The following SUPT3H variants were observed in gnomAD, a reference collection of about 807,000 sequenced individuals.
SUPT3H encodes the protein SPT3 homolog, SAGA and STAGA complex component.
A neutral mutation model predicts 44.3 loss-of-function variants in SUPT3H; 44 were observed. The observed-to-expected ratio is 0.99, with a 90% confidence interval of 0.78 to 1.28. The LOEUF (loss-of-function observed/expected upper bound fraction) is 1.28, where lower values mean the gene tolerates loss of function less well. Ranked by LOEUF, SUPT3H falls within the 50% of genes most tolerant of loss-of-function variation. The pLI is 0.00. For missense variants in SUPT3H, 380 were observed against 387.1 expected (o/e 0.98, Z 0.15); for synonymous variants, 124 against 125.6 (o/e 0.99, Z 0.09).
chr6:45,216,174 G>A (rs561815909), intron 2 of SUPT3H, among the ~76,000 whole-genome samples: 1 of 151,700 alleles, frequency 6.6e-6, no homozygotes, highest in Non-Finnish European at 1.5e-5. Context: ...TACAAGAAAT[G>A]CTTAAGGAAG....
At chr6:45,006,350 C>T (rs1391157528) in intron 5 of SUPT3H, among the ~76,000 whole-genome samples, 1 of 151,740 alleles carries the variant, frequency 6.6e-6, no homozygotes, top group Non-Finnish European at 1.5e-5. Context: ...GTATTTATTT[C>T]ATATTCTTGT....
chr6:45,341,609 TAA>T (rs1789793774), intron 2 of SUPT3H, among the ~76,000 whole-genome samples: 1 of 152,086 alleles, frequency 6.6e-6, no homozygotes, highest in South Asian at 2.1e-4. Flanking sequence ...CGCAACTTCA[TAA>T]AGAGTACAAT....
intron 10 of SUPT3H, among the ~76,000 whole-genome samples, chr6:44,877,660 C>A (rs1404201674): frequency 6.6e-6 from 1 of 152,156 alleles, no homozygotes; most frequent in Non-Finnish European, 1.5e-5. Context: ...GTGTGTGTAT[C>A]TATATATCTA....
At chr6:45,197,655 AT>A in intron 2 of SUPT3H, 2 of 348,970 alleles carry the variant, frequency 5.7e-6, no homozygotes, top group South Asian at 2.3e-5. Flanking sequence ...TGACAATACT[AT>A]TTTTTCATTT....
intron 2 of SUPT3H, among the ~76,000 whole-genome samples, chr6:45,146,043 A>G (rs1806009604): frequency 6.6e-6 from 1 of 152,156 alleles, no homozygotes; most frequent in African/African-American, 2.4e-5. Context: ...ATGTGGTATA[A>G]AGGGAACACT....
At chr6:44,902,267 T>C (rs1352375072) in intron 10 of SUPT3H, among the ~76,000 whole-genome samples, 1 of 152,120 alleles carries the variant, frequency 6.6e-6, no homozygotes, top group Admixed American at 6.5e-5. Flanking sequence ...GTGTGCTGTA[T>C]TTAGGAAACC....
chr6:44,865,938 G>A (rs1039026880), intron 10 of SUPT3H, among the ~76,000 whole-genome samples: 5 of 152,182 alleles, frequency 3.3e-5, no homozygotes, highest in African/African-American at 1.2e-4. Flanking sequence ...CAGACAGGAA[G>A]CAGAAAGCCA....
intron 2 of SUPT3H, among the ~76,000 whole-genome samples, chr6:45,340,587 G>C (rs1447403077): frequency 4.6e-5 from 7 of 152,044 alleles, no homozygotes; most frequent in Non-Finnish European, 1.0e-4. Context: ...GTCTCCCAAA[G>C]TGCTGAGATT....
chr6:45,375,319 C>T (rs1223998329), intron 1 of SUPT3H, among the ~76,000 whole-genome samples: 4 of 152,118 alleles, frequency 2.6e-5, no homozygotes, highest in Non-Finnish European at 4.4e-5. Context: ...GGTCCCAATT[C>T]GAACATTTTG....
intron 2 of SUPT3H, among the ~76,000 whole-genome samples, chr6:45,265,406 C>T (rs950865918): frequency 6.6e-6 from 1 of 152,094 alleles, no homozygotes; most frequent in Non-Finnish European, 1.5e-5. Context: ...ACAGAATCAA[C>T]TACTAATTGT....
chr6:44,859,423 T>A (rs1040149698), intron 10 of SUPT3H, among the ~76,000 whole-genome samples: 1 of 152,180 alleles, frequency 6.6e-6, no homozygotes, highest in Non-Finnish European at 1.5e-5. Context: ...GAGTAAATAA[T>A]GTCTAAGCTT....
chr6:44,866,185 G>A (rs1458370363), intron 10 of SUPT3H, among the ~76,000 whole-genome samples: 2 of 150,104 alleles, frequency 1.3e-5, no homozygotes, highest in African/African-American at 4.9e-5. Context: ...CTTGAAAAGA[G>A]TGAATAACTT....
intron 2 of SUPT3H, among the ~76,000 whole-genome samples, chr6:45,362,094 A>G (rs1441595267): frequency 6.6e-6 from 1 of 152,146 alleles, no homozygotes; most frequent in Non-Finnish European, 1.5e-5. Flanking sequence ...TTCTGTTAAG[A>G]ATGCCTCACT....
In SUPT3H at chr6:45,193,385, T is replaced by C. The variant is rs774414984; in HGVS notation, c.102-87379A>G. On this transcript the variant is annotated intron_variant, in intron 2 of 10. Coordinates refer to ENST00000371459, the MANE Select transcript of SUPT3H (RefSeq NM_003599.4). ...TTTTCATTAAGAATCTTTGACTTTT[T>C]AAAATCAAAGCTATTTTAATATTTC... 8.5e-5 allele frequency among the ~76,000 whole-genome samples: 13 copies of C among 152,274 alleles called. No individual in the cohort carries two copies. In the Middle Eastern group the frequency reaches 0.017, roughly 199 times the overall value.
At position 44,949,097 on chromosome 6, in the gene SUPT3H, T is replaced by C. The variant is rs376315137; in HGVS notation, c.801+4213A>G. On this transcript the variant is annotated intron_variant, in intron 9 of 10. Transcript: ENST00000371459. ...TGAGTTCATGTCCTTTGTAGAGACA[T>C]GTATGAAGCTGGAAACATCATTCTG... Among the ~76,000 whole-genome samples the C allele has an allele frequency of 1.9e-4, 29 of 152,314 alleles. No homozygotes were observed. The East Asian group carries it at 5.2e-3, about 27-fold the overall frequency.
chr6:44,993,485 T>C (rs1408266310), intron 6 of SUPT3H, among the ~76,000 whole-genome samples: 1 of 152,034 alleles, frequency 6.6e-6, no homozygotes, highest in African/African-American at 2.4e-5. Flanking sequence ...CAAGCACTTA[T>C]GACAACAAAT....
At chr6:45,003,816 A>G in intron 5 of SUPT3H, 24 bp from the exon 6 acceptor site, 1 of 1,612,492 alleles carries the variant, frequency 6.2e-7, no homozygotes, top group South Asian at 1.1e-5. Flanking sequence ...AGGGAAAGAA[A>G]AAAAGAAATG....
intron 3 of SUPT3H, among the ~76,000 whole-genome samples, chr6:45,066,195 G>A (rs999130605): frequency 2.0e-5 from 3 of 150,778 alleles, no homozygotes; most frequent in Admixed American, 6.6e-5. Context: ...TATAAACAGA[G>A]CCAAAGACAA....
chr6:45,095,990 T>A lies in SUPT3H; in HGVS notation c.186+9932A>T, dbSNP rs1427565945. Among the ~76,000 whole-genome samples, 1 of 152,094 alleles carries A rather than the reference T, an allele frequency of 6.6e-6. No homozygotes were observed. Among genetic ancestry groups the A allele is most frequent in the African/African-American group, 2.4e-5 (1 of 41,428 alleles). On this transcript the variant is annotated intron_variant, in intron 3 of 10. Coordinates refer to ENST00000371459, the MANE Select transcript of SUPT3H (RefSeq NM_003599.4). This position sits in a 1 kb window ranked among gnomAD's most constrained non-coding sequence, Gnocchi z 4.1. ...TAAATAGCCCCATTATTAACGACAATAGCAACTATTACTACTGTTACTAGT... is the reference window on the plus strand; with the variant it reads ...TAAATAGCCCCATTATTAACGACAAAAGCAACTATTACTACTGTTACTAGT...
Sources: gnomAD v4.1 joint callset for allele counts (sites outside exome capture counted in the v4.1 genomes callset) on GRCh38, gnomAD v4.1.1 for gene constraint, Gnocchi (gnomAD v3.1) non-coding constraint, MANE v1.5 for transcripts, NCBI Gene and HGNC (gene_info 2026-07-23, HGNC 2026-07-21) for gene names.